The following PTPRM variants were observed in gnomAD, a reference collection of about 807,000 sequenced individuals.
PTPRM encodes the protein protein tyrosine phosphatase receptor type M, also known as receptor-type tyrosine-protein phosphatase mu.
PTPRM carries 47 observed loss-of-function variants against 186.7 expected under a neutral mutation model. That is an observed-to-expected ratio of 0.25 (90% CI 0.20 to 0.32). The LOEUF (loss-of-function observed/expected upper bound fraction) is 0.32, where lower values mean the gene tolerates loss of function less well. PTPRM is among the 10% of genes least tolerant of loss of function. The probability of loss-of-function intolerance (pLI) is 1.00; values close to 1 mark genes in which losing one functional copy is unlikely to be tolerated. For missense variants in PTPRM, 1,494 were observed against 1,865.0 expected (o/e 0.80, Z 3.66); for synonymous variants, 668 against 674.9 (o/e 0.99, Z 0.16).
At chr18:7,890,201 A>G (rs1411369342) in intron 3 of PTPRM, among the ~76,000 whole-genome samples, 1 of 152,184 alleles carries the variant, frequency 6.6e-6, no homozygotes, top group East Asian at 1.9e-4. Flanking sequence ...CTCTTTCTTT[A>G]ATTCCTTTGG....
intron 1 of PTPRM, among the ~76,000 whole-genome samples, chr18:7,607,705 C>T (rs987740504): frequency 3.9e-5 from 6 of 152,330 alleles, no homozygotes; most frequent in Admixed American, 2.0e-4. Flanking sequence ...CTCTGTGATA[C>T]GTGCTAGGCT....
At chr18:8,158,552 T>C (rs73389751) in intron 14 of PTPRM, among the ~76,000 whole-genome samples, 4,900 of 152,316 alleles carry the variant, frequency 0.032, 144 homozygotes, top group African/African-American at 0.08. Flanking sequence ...AATATATGCA[T>C]TAAGAAAAAA....
At chr18:7,944,847 C>T (rs2052409554) in intron 5 of PTPRM, among the ~76,000 whole-genome samples, 1 of 152,106 alleles carries the variant, frequency 6.6e-6, no homozygotes, top group Non-Finnish European at 1.5e-5. Context: ...GCAGTGCTTC[C>T]TAGAAAGCTT....
At chr18:8,264,630 G>T (rs144969675) in intron 19 of PTPRM, among the ~76,000 whole-genome samples, 1 of 152,002 alleles carries the variant, frequency 6.6e-6, no homozygotes, top group African/African-American at 2.4e-5. Flanking sequence ...TTAGCTGGGC[G>T]TGGTGGTGCG....
intron 19 of PTPRM, among the ~76,000 whole-genome samples, chr18:8,272,208 T>TAAAAA (rs1254909341): frequency 5.8e-4 from 44 of 76,108 alleles, no homozygotes; most frequent in South Asian, 1.9e-3. Context: ...TCTGCCTCAA[T>TAAAAA]AAAAAAAAAA....
chr18:7,628,570 C>G (rs2038116398), intron 1 of PTPRM, among the ~76,000 whole-genome samples: 1 of 152,184 alleles, frequency 6.6e-6, no homozygotes, highest in Non-Finnish European at 1.5e-5. Context: ...AGAGTCACTT[C>G]AAGAATGTGC....
chr18:8,334,515 G>A (rs1465477407), intron 22 of PTPRM, among the ~76,000 whole-genome samples: 3 of 152,206 alleles, frequency 2.0e-5, no homozygotes, highest in Admixed American at 6.5e-5. Context: ...ATCACCTGCA[G>A]CCACATTGCT....
chr18:8,404,716 G>T lies in PTPRM; in HGVS notation c.4345-1393G>T, dbSNP rs568064251. The T allele has an allele frequency of 3.9e-5, 6 of 152,166 alleles. No homozygotes were observed. In the South Asian group the frequency reaches 1.0e-3, roughly 26 times the overall value. 9.4% of individuals were successfully genotyped at this position (152,166 alleles called of 1,614,324 possible). ...GGTAGAGACAGTGGTGCTGAACCTC[G>T]CTCACACATGTGAAAGCTTGTCTGC... On this transcript the variant is annotated intron_variant, in intron 32 of 32. Coordinates refer to ENST00000580170, the MANE Select transcript of PTPRM (RefSeq NM_001105244.2).
intron 13 of PTPRM, among the ~76,000 whole-genome samples, chr18:8,134,720 C>T (rs900872886): frequency 6.6e-6 from 1 of 151,924 alleles, no homozygotes; most frequent in African/African-American, 2.4e-5. Context: ...TCATTCTTTC[C>T]TTTTTCATTC....
intron 2 of PTPRM, among the ~76,000 whole-genome samples, chr18:7,852,593 C>T (rs965996868): frequency 1.3e-4 from 19 of 151,916 alleles, no homozygotes; most frequent in African/African-American, 4.6e-4. Context: ...AAGGCTGAGG[C>T]AGGAGAATGT....
At chr18:7,585,783 C>T (rs1285793717) in intron 1 of PTPRM, among the ~76,000 whole-genome samples, 1 of 152,174 alleles carries the variant, frequency 6.6e-6, no homozygotes, top group African/African-American at 2.4e-5. Context: ...CGTATTTCTC[C>T]TCTGCAGATG....
Position 8,023,831 on chromosome 18 carries a change from GACACAC to G in PTPRM, c.1133-45820_1133-45815del, listed in dbSNP as rs71354587. Among the ~76,000 whole-genome samples, 80 of 110,272 alleles carry G rather than the reference GACACAC, an allele frequency of 7.3e-4. No homozygotes were observed. The East Asian group carries it at 8.0e-3, about 11-fold the overall frequency. The allele number at this position is 110,272 out of a possible 152,430, so 72.3% of individuals were successfully genotyped here. A position where few individuals can be genotyped will look rare whatever the true frequency, so the allele number is the denominator to read the frequency against. ...CAATTTAAATGGTAAATTATCAGAAGACACACACACACACACACACACACACACACA... is the reference window on the plus strand; with the variant it reads ...CAATTTAAATGGTAAATTATCAGAAGACACACACACACACACACACACACA... On this transcript the variant is annotated intron_variant, in intron 7 of 32. Transcript: ENST00000580170.
intron 14 of PTPRM, among the ~76,000 whole-genome samples, chr18:8,243,020 T>C (rs1387887865): frequency 1.3e-5 from 2 of 152,236 alleles, no homozygotes; most frequent in Admixed American, 6.5e-5. Flanking sequence ...TCTTAAACCT[T>C]CTCACTGTAT....
At chr18:8,201,070 C>T (rs906451449) in intron 14 of PTPRM, among the ~76,000 whole-genome samples, 1 of 152,222 alleles carries the variant, frequency 6.6e-6, no homozygotes, top group African/African-American at 2.4e-5. Context: ...AATCCCAGCA[C>T]TTTGGGAAGC....
intron 14 of PTPRM, among the ~76,000 whole-genome samples, chr18:8,222,556 T>C (rs1366250987): frequency 6.6e-6 from 1 of 152,200 alleles, no homozygotes; most frequent in Non-Finnish European, 1.5e-5. Context: ...TGCCATTTAC[T>C]CATTGAAATA....
Position 8,113,745 on chromosome 18 carries a change from A to G in PTPRM, c.2116A>G (p.Ser706Gly), listed in dbSNP as rs765000599. ...KSYRIYFQAA[S>G]RANGETKIDC... ...CTACAGAATTTATTTCCAAGCTGCT[A>G]GTAGAGCCAATGGGGTAAGTTGTAC... The change falls in exon 12 of 33, where the codon AGT becomes GGT. Residue 706 changes from serine (S) to glycine (G), a missense_variant. Ser to Gly is a moderately conservative substitution (Grantham distance 56). Transcript: ENST00000580170. The G allele has an allele frequency of 2.7e-5, 44 of 1,613,250 alleles. No individual in the cohort carries two copies. Among genetic ancestry groups the G allele is most frequent in the Admixed American group, 3.3e-5 (2 of 59,968 alleles).
intron 1 of PTPRM, among the ~76,000 whole-genome samples, chr18:7,569,625 G>T (rs2036521850): frequency 6.6e-6 from 1 of 152,118 alleles, no homozygotes; most frequent in Admixed American, 6.5e-5. Context: ...AATATCATTT[G>T]GATGGATTTT....
chr18:7,752,739 G>A (rs1446078139), intron 1 of PTPRM, among the ~76,000 whole-genome samples: 1 of 152,054 alleles, frequency 6.6e-6, no homozygotes, highest in African/African-American at 2.4e-5. Flanking sequence ...ACCGTGCCTG[G>A]CCAATTTTAG....
At chr18:7,787,284 G>A (rs767571170) in intron 2 of PTPRM, among the ~76,000 whole-genome samples, 2 of 152,176 alleles carry the variant, frequency 1.3e-5, no homozygotes, top group Non-Finnish European at 2.9e-5. Flanking sequence ...AGAGTCAGGA[G>A]GATGATTAAG....
Sources: allele counts gnomAD v4.1 joint callset (sites outside exome capture counted in the v4.1 genomes callset), GRCh38; gene constraint gnomAD v4.1.1; transcripts MANE v1.5; gene names NCBI Gene and HGNC (gene_info 2026-07-23, HGNC 2026-07-21).